Variants in STYXL2 observed in about 807,000 individuals in gnomAD.
STYXL2 encodes serine/threonine/tyrosine interacting like 2, also known as serine/threonine/tyrosine-interacting-like protein 2.
Under a neutral mutation model 52.4 loss-of-function variants are expected in STYXL2, and 44 were observed. The ratio of observed to expected loss-of-function variants is 0.84; its 90% CI spans 0.66 to 1.08. The LOEUF (loss-of-function observed/expected upper bound fraction) is 1.08, where lower values mean the gene tolerates loss of function less well. STYXL2 is among the 50% of genes least tolerant of loss of function. The probability of loss-of-function intolerance (pLI) is 0.00; values close to 1 mark genes in which losing one functional copy is unlikely to be tolerated. For synonymous variants in STYXL2, 604 were observed against 586.9 expected (o/e 1.03, Z -0.42); for missense variants, 1,604 against 1,471.7 (o/e 1.09, Z -1.47).
At chr1:167,118,684 A>G (rs1185482759) in intron 4 of STYXL2, among the ~76,000 whole-genome samples, 1 of 152,226 alleles carries the variant, frequency 6.6e-6, no homozygotes, top group Non-Finnish European at 1.5e-5. Flanking sequence ...TCTGAACTAG[A>G]AATCTAAAAC....
At chr1:167,104,180 C>A (rs968632409) in intron 2 of STYXL2, among the ~76,000 whole-genome samples, 2 of 151,990 alleles carry the variant, frequency 1.3e-5, no homozygotes, top group African/African-American at 4.8e-5. Context: ...CCCCACCCCC[C>A]GTCTCTTCCT....
chr1:167,127,222 GTGTTCAACC>G lies in STYXL2; in HGVS notation c.2093_2101del (p.Cys698_Thr700del). ...CTCAGGCTGCAAGCAACATAGCGGG[GTGTTCAACC>G]TCCAACCCCACCACACCCCTGCCTA... On this transcript the variant is annotated inframe_deletion, in exon 6 of 6. Coordinates refer to ENST00000361200, the MANE Select transcript of STYXL2 (RefSeq NM_001080426.3). 1.2e-6 allele frequency: 2 copies of G among 1,614,164 alleles called. No individual in the cohort carries two copies. The highest frequency in any genetic ancestry group is 1.7e-6 in the Non-Finnish European group (2 of 1,180,010).
At chr1:167,116,694 C>T (rs1667731590) in intron 3 of STYXL2, among the ~76,000 whole-genome samples, 1 of 139,726 alleles carries the variant, frequency 7.2e-6, no homozygotes, top group South Asian at 2.2e-4. Context: ...TCTTTTTGCC[C>T]AGGCTGGAAT....
At chr1:167,116,934 G>A (rs1467066201) in intron 3 of STYXL2, among the ~76,000 whole-genome samples, 2 of 152,202 alleles carry the variant, frequency 1.3e-5, no homozygotes, top group Admixed American at 6.5e-5. Flanking sequence ...ACAGACGTGA[G>A]CCACTACGCC....
At chr1:167,102,668 C>T (rs1031365244) in intron 2 of STYXL2, among the ~76,000 whole-genome samples, 2 of 152,148 alleles carry the variant, frequency 1.3e-5, no homozygotes, top group African/African-American at 4.8e-5. Flanking sequence ...CATCATGCTT[C>T]TCTAATTCTG....
At chr1:167,103,918 G>A (rs538764079) in intron 2 of STYXL2, among the ~76,000 whole-genome samples, 1 of 152,220 alleles carries the variant, frequency 6.6e-6, no homozygotes, top group South Asian at 2.1e-4. Flanking sequence ...TCAGGAGATC[G>A]AGACCATCCT....
At chr1:167,125,619 A>G (rs745554237) in intron 5 of STYXL2, among the ~76,000 whole-genome samples, 168 bp from the exon 6 acceptor site, 43 of 151,520 alleles carry the variant, frequency 2.8e-4, no homozygotes, top group Non-Finnish European at 5.2e-4. Context: ...ATATGGGGTC[A>G]GTGATGCTCA....
intron 2 of STYXL2, among the ~76,000 whole-genome samples, chr1:167,098,072 C>T (rs555467215): frequency 3.9e-5 from 5 of 129,028 alleles, no homozygotes; most frequent in Non-Finnish European, 6.2e-5. Flanking sequence ...AGTGCAGTGG[C>T]GTGATCTTGG....
chr1:167,127,864 A>G lies in STYXL2; in HGVS notation c.2733A>G (p.Thr911=). Reference sequence around the variant, plus strand: ...ATTCCCAGAAACCTGAAACAGACACATGCTCCTCCCTGGCTGTCTGTGATC... The same window carrying G: ...ATTCCCAGAAACCTGAAACAGACACGTGCTCCTCCCTGGCTGTCTGTGATC... ...RSNSQKPETD[T]CSSLAVCDHY... is the part of the protein sequence containing the mutation. Residue 911 remains threonine, a synonymous_variant, in exon 6 of 6, where the codon ACA becomes ACG. Transcript: ENST00000361200. 2 of 1,614,004 alleles carry G rather than the reference A, an allele frequency of 1.2e-6. No homozygotes were observed. Among genetic ancestry groups the G allele is most frequent in the Non-Finnish European group, 1.7e-6 (2 of 1,180,022 alleles).
In STYXL2 at chr1:167,126,958, G is replaced by T; in HGVS notation, c.1827G>T (p.Val609=). ...KVGSENKEEV[V]ELSKGEDSAL... ...GCAGTGAGAACAAGGAGGAGGTGGT[G>T]GAGCTCAGCAAGGGGGAGGACTCGG... The change falls in exon 6 of 6, where the codon GTG becomes GTT. Residue 609 remains valine (V), a synonymous_variant. Transcript: ENST00000361200. 6.2e-7 allele frequency: 1 copy of T among 1,610,896 alleles called. No homozygotes were observed. Among genetic ancestry groups the T allele is most frequent in the South Asian group, 1.1e-5 (1 of 90,462 alleles).
At chr1:167,106,292 C>A (rs552757109) in intron 2 of STYXL2, among the ~76,000 whole-genome samples, 3 of 152,104 alleles carry the variant, frequency 2.0e-5, no homozygotes, top group Non-Finnish European at 4.4e-5. Flanking sequence ...CAGGTAAGGG[C>A]GCCTCCTGTG....
rs1484530917 is a variant in STYXL2, at chr1:167,127,853, G to A, written c.2722G>A (p.Glu908Lys). Residue 908 changes from glutamate to lysine, a missense_variant, in exon 6 of 6, where the codon GAA becomes AAA. Glu to Lys is a moderately conservative substitution (Grantham distance 56). Coordinates refer to ENST00000361200, the MANE Select transcript of STYXL2 (RefSeq NM_001080426.3). ...YSSRSNSQKP[E>K]TDTCSSLAVC... ...TTCCCGCAGTAATTCCCAGAAACCT[G>A]AAACAGACACATGCTCCTCCCTGGC... 1 of 1,613,786 alleles carries A rather than the reference G, an allele frequency of 6.2e-7. No individual in the cohort carries two copies. Among genetic ancestry groups the A allele is most frequent in the Non-Finnish European group, 8.5e-7 (1 of 1,180,030 alleles).
Position 167,128,830 on chromosome 1 carries a change from C to G in STYXL2, c.*222C>G. 3.3e-6 allele frequency: 2 copies of G among 615,128 alleles called. No individual in the cohort carries two copies. The highest frequency in any genetic ancestry group is 2.3e-5 in the South Asian group (1 of 44,252). 38.1% of individuals were successfully genotyped at this position (615,128 alleles called of 1,614,324 possible). On this transcript the variant is annotated 3_prime_UTR_variant, in exon 6 of 6. Transcript: ENST00000361200. ...ACGAATACGAGGTCCGAATGCGGAC[C>G]AACTGATACCATTTTCTGTTGCTCA...
At chr1:167,120,337 C>G (rs540423746) in intron 5 of STYXL2, among the ~76,000 whole-genome samples, 1 of 152,326 alleles carries the variant, frequency 6.6e-6, no homozygotes, top group African/African-American at 2.4e-5. Context: ...ATTTGCTACA[C>G]TGTATATACA....
rs199919968 is a variant in STYXL2, at chr1:167,127,419, T to G, written c.2288T>G (p.Leu763Arg). 1.2e-6 allele frequency: 2 copies of G among 1,614,104 alleles called. No homozygotes were observed. Among genetic ancestry groups the G allele is most frequent in the Non-Finnish European group, 8.5e-7 (1 of 1,179,988 alleles). ...AAGGCAGTACCAGCGGCTAGCTGCCTGGGGGATGACCAAGTCTCCATGCTT... is the reference window on the plus strand; with the variant it reads ...AAGGCAGTACCAGCGGCTAGCTGCCGGGGGGATGACCAAGTCTCCATGCTT... ...SMKAVPAASC[L>R]GDDQVSMLSG... The change falls in exon 6 of 6, where the codon CTG (leucine) becomes CGG (arginine). Residue 763 changes from leucine (L) to arginine (R), a missense_variant. By Grantham distance (102) the Leu-to-Arg change is moderately radical. Coordinates refer to ENST00000361200, the MANE Select transcript of STYXL2 (RefSeq NM_001080426.3).
In STYXL2 at chr1:167,126,811, C is replaced by G. The variant is rs1392470472; in HGVS notation, c.1680C>G (p.Asp560Glu). ...KRIQFGFHKKDLGAGDSSGEP... is the reference protein window; with the variant it reads ...KRIQFGFHKKELGAGDSSGEP... Reference sequence around the variant, plus strand: ...TCCAATTTGGATTTCACAAGAAAGACTTGGGAGCGGGAGACAGCAGCGGTG... The same window carrying G: ...TCCAATTTGGATTTCACAAGAAAGAGTTGGGAGCGGGAGACAGCAGCGGTG... The change falls in exon 6 of 6, where the codon GAC becomes GAG. Residue 560 changes from aspartate to glutamate, a missense_variant. Transcript: ENST00000361200. The G allele has an allele frequency of 6.2e-7, 1 of 1,614,180 alleles. No individual in the cohort carries two copies. The highest frequency in any genetic ancestry group is 1.1e-5 in the South Asian group (1 of 91,084).
Position 167,128,729 on chromosome 1 carries a change from C to T in STYXL2, c.*121C>T. ...GAGAGGATCTTCCAGAGGGGCAGAG[C>T]CAAAATGAGAGGTACCAAGCATAAG... On this transcript the variant is annotated 3_prime_UTR_variant, in exon 6 of 6. Coordinates refer to ENST00000361200, the MANE Select transcript of STYXL2 (RefSeq NM_001080426.3). The T allele has an allele frequency of 7.0e-7, 1 of 1,427,364 alleles. No homozygotes were observed. The highest frequency in any genetic ancestry group is 9.2e-7 in the Non-Finnish European group (1 of 1,092,392). The allele number at this position is 1,427,364 out of a possible 1,614,324, so 88.4% of individuals were successfully genotyped here. A position where few individuals can be genotyped will look rare whatever the true frequency, so the allele number is the denominator to read the frequency against.
chr1:167,118,145 T>G (rs143771472), intron 4 of STYXL2, among the ~76,000 whole-genome samples: 218 of 152,346 alleles, frequency 1.4e-3, no homozygotes, highest in African/African-American at 5.0e-3. Flanking sequence ...TCTTTAGATT[T>G]CCTTTAACTT....
intron 5 of STYXL2, among the ~76,000 whole-genome samples, chr1:167,123,687 G>A (rs1667903973): frequency 6.6e-6 from 1 of 152,208 alleles, no homozygotes; most frequent in African/African-American, 2.4e-5. Context: ...GCACTGGTAT[G>A]ATCTCAGCTC....
Sources: gnomAD v4.1 joint callset for allele counts (sites outside exome capture counted in the v4.1 genomes callset) on GRCh38, gnomAD v4.1.1 for gene constraint, MANE v1.5 for transcripts, NCBI Gene and HGNC (gene_info 2026-07-23, HGNC 2026-07-21) for gene names.